The following TNKS variants were observed in gnomAD, a reference collection of about 807,000 sequenced individuals.
TNKS encodes poly [ADP-ribose] polymerase tankyrase-1.
In TNKS, 72 loss-of-function variants were observed where a neutral mutation model predicts 135.8. The ratio of observed to expected loss-of-function variants is 0.53; its 90% CI spans 0.44 to 0.64. The LOEUF (loss-of-function observed/expected upper bound fraction) is 0.64. TNKS is among the 30% of genes least tolerant of loss of function. The pLI is 0.00. For missense variants in TNKS, 1,769 were observed against 1,674.0 expected (o/e 1.06, Z -0.99); for synonymous variants, 849 against 649.3 (o/e 1.31, Z -4.68).
intron 5 of TNKS, among the ~76,000 whole-genome samples, chr8:9,689,933 A>T (rs975327401): frequency 6.6e-6 from 1 of 152,216 alleles, no homozygotes; most frequent in Admixed American, 6.5e-5. Flanking sequence ...ATTACGTAGA[A>T]TCTTTGATGC....
intron 2 of TNKS, among the ~76,000 whole-genome samples, chr8:9,581,942 C>G (rs2129053592): frequency 6.6e-6 from 1 of 152,272 alleles, no homozygotes; most frequent in East Asian, 1.9e-4. Context: ...CCCTGCAGCA[C>G]TCTACTTCCT....
At chr8:9,630,038 T>A (rs1161078793) in intron 3 of TNKS, among the ~76,000 whole-genome samples, 2 of 152,146 alleles carry the variant, frequency 1.3e-5, no homozygotes, top group African/African-American at 4.8e-5. Flanking sequence ...GCTAATAAGC[T>A]CTTCCTGACC....
At chr8:9,655,030 A>G (rs1801298180) in intron 3 of TNKS, among the ~76,000 whole-genome samples, 1 of 152,176 alleles carries the variant, frequency 6.6e-6, no homozygotes, top group African/African-American at 2.4e-5. Flanking sequence ...CACCTGGAAA[A>G]TCGGGTCACT....
At chr8:9,626,386 G>A (rs984129873) in intron 3 of TNKS, among the ~76,000 whole-genome samples, 1 of 152,186 alleles carries the variant, frequency 6.6e-6, no homozygotes, top group African/African-American at 2.4e-5. Flanking sequence ...CTTAGGCGCT[G>A]TGAGATTTAT....
At chr8:9,726,830 CAG>C in intron 13 of TNKS, 110 bp downstream of exon 13, 1 of 887,558 alleles carries the variant, frequency 1.1e-6, no homozygotes, top group Non-Finnish European at 1.8e-6. Context: ...AAAGGATGAA[CAG>C]AGTCATGGGC....
intron 3 of TNKS, among the ~76,000 whole-genome samples, chr8:9,673,276 G>A (rs1720400702): frequency 6.6e-6 from 1 of 151,906 alleles, no homozygotes; most frequent in African/African-American, 2.4e-5. Context: ...GTTATATTGT[G>A]TTTTTGAAAT....
At chr8:9,679,871 ATT>A in intron 3 of TNKS, 78 bp from the exon 4 acceptor site, 1 of 1,171,568 alleles carries the variant, frequency 8.5e-7, no homozygotes, top group Non-Finnish European at 1.3e-6. Flanking sequence ...TCTCTATTTA[ATT>A]CTCTATTTGC....
chr8:9,583,647 C>T (rs1798255666), intron 2 of TNKS, among the ~76,000 whole-genome samples: 1 of 151,858 alleles, frequency 6.6e-6, no homozygotes, highest in South Asian at 2.1e-4. Flanking sequence ...TGCCACCATT[C>T]CCAGCTAAGT....
intron 20 of TNKS, among the ~76,000 whole-genome samples, chr8:9,753,858 G>T (rs1276928994): frequency 6.6e-6 from 1 of 152,164 alleles, no homozygotes; most frequent in Non-Finnish European, 1.5e-5. Flanking sequence ...CGCTTACCCT[G>T]TTTTGCACAG....
At position 9,556,304 on chromosome 8, in the gene TNKS, G is replaced by T. The variant is rs753334232; in HGVS notation, c.365G>T (p.Gly122Val). 3.1e-6 allele frequency: 5 copies of T among 1,614,246 alleles called. No homozygotes were observed. The highest frequency in any genetic ancestry group is 4.2e-6 in the Non-Finnish European group (5 of 1,180,042). Residue 122 changes from glycine (G) to valine (V), a missense_variant, in exon 1 of 27, where the codon GGC becomes GTC. Gly to Val is a moderately radical substitution (Grantham distance 109, BLOSUM62 -3). This residue lies in a region of TNKS where 450 missense variants were observed against 304.9 expected (regional missense o/e 1.48). Coordinates refer to ENST00000310430, the MANE Select transcript of TNKS (RefSeq NM_003747.3). ...GCTGGGGTCGCTCCCAACCCAGCCG[G>T]CAGTGGCAGTAACAATTCACCGTCG... ...SAAGVAPNPAGSGSNNSPSSS... is the reference protein window; with the variant it reads ...SAAGVAPNPAVSGSNNSPSSS...
chr8:9,717,103 T>TATATATATATATATATATA lies in TNKS; in HGVS notation c.1750-3271_1750-3270insATATATATATATATATATA, dbSNP rs1554476739. Reference sequence around the variant, plus strand: ...TATATATATATATATATATATATATTTTCAGGGAATTTGATTGTTTCTTTT... The same window carrying TATATATATATATATATATA: ...TATATATATATATATATATATATATTATATATATATATATATATATTCAGGGAATTTGATTGTTTCTTTT... On this transcript the variant is annotated intron_variant, in intron 11 of 26. Coordinates refer to ENST00000310430, the MANE Select transcript of TNKS (RefSeq NM_003747.3). 4.3e-3 allele frequency among the ~76,000 whole-genome samples: 169 copies of TATATATATATATATATATA among 39,180 alleles called. 6 individuals carry two copies. Among genetic ancestry groups the TATATATATATATATATATA allele is most frequent in the South Asian group, 9.3e-3 (11 of 1,182 alleles). The allele number at this position is 39,180 out of a possible 152,430, so 25.7% of individuals were successfully genotyped here.
chr8:9,766,200 A>G (rs764999911), intron 24 of TNKS, 39 bp from the exon 25 acceptor site: 9 of 1,555,132 alleles, frequency 5.8e-6, no homozygotes, highest in Non-Finnish European at 7.9e-6. Context: ...CTTCTAGAAA[A>G]GTGTTCAAAA....
chr8:9,741,707 G>A (rs908032273), intron 17 of TNKS: 2 of 529,812 alleles, frequency 3.8e-6, no homozygotes, highest in African/African-American at 1.9e-5. Flanking sequence ...GATGACCACT[G>A]TGAAGACAGT....
At chr8:9,661,354 C>T (rs969038002) in intron 3 of TNKS, among the ~76,000 whole-genome samples, 4 of 152,186 alleles carry the variant, frequency 2.6e-5, no homozygotes, top group African/African-American at 9.6e-5. Flanking sequence ...CTACAGTAAC[C>T]AAAACAGCAT....
At chr8:9,759,379 C>T (rs1246884511) in intron 20 of TNKS, among the ~76,000 whole-genome samples, 3 of 152,212 alleles carry the variant, frequency 2.0e-5, no homozygotes, top group Non-Finnish European at 4.4e-5. Context: ...AAGTCTGTCT[C>T]ACACGGGGAA....
intron 11 of TNKS, among the ~76,000 whole-genome samples, chr8:9,715,013 G>A (rs1011704282): frequency 6.6e-6 from 1 of 152,152 alleles, no homozygotes; most frequent in Admixed American, 6.6e-5. Context: ...AAGATCCTTT[G>A]AGGATTGCCC....
intron 12 of TNKS, chr8:9,722,311 T>C (rs1263180974): frequency 1.3e-5 from 2 of 152,122 alleles, no homozygotes; most frequent in Admixed American, 6.5e-5. Context: ...TATATTGTTA[T>C]AGGAAGATCA....
At chr8:9,565,831 TG>T (rs1797507730) in intron 1 of TNKS, among the ~76,000 whole-genome samples, 1 of 152,142 alleles carries the variant, frequency 6.6e-6, no homozygotes, top group South Asian at 2.1e-4. Flanking sequence ...CACTCCAGCC[TG>T]GGTGACAGAG....
intron 3 of TNKS, among the ~76,000 whole-genome samples, chr8:9,654,899 G>A (rs937068673): frequency 1.3e-5 from 2 of 149,590 alleles, no homozygotes; most frequent in Non-Finnish European, 2.9e-5. Flanking sequence ...GACAGTGGGT[G>A]CAGGACAGTG....
Sources: gnomAD v4.1 joint callset for allele counts (sites outside exome capture counted in the v4.1 genomes callset) on GRCh38, gnomAD v4.1.1 for gene constraint, gnomAD v4.1.1 regional missense constraint, MANE v1.5 for transcripts, NCBI Gene and HGNC (gene_info 2026-07-23, HGNC 2026-07-21) for gene names.